Variants in ERBB4 observed in about 807,000 individuals in gnomAD.
The protein encoded by ERBB4 is receptor tyrosine-protein kinase erbB-4.
ERBB4 carries 42 observed loss-of-function variants against 158.0 expected under a neutral mutation model. The ratio of observed to expected loss-of-function variants is 0.27; its 90% CI spans 0.21 to 0.34. ERBB4 has a LOEUF of 0.34. ERBB4 is among the 10% of genes least tolerant of loss of function. The pLI, the probability that ERBB4 is intolerant of heterozygous loss-of-function variation, is 1.00. For synonymous variants in ERBB4, 583 were observed against 558.7 expected, an observed-to-expected ratio of 1.04 and a Z score of -0.61; for missense variants, 1,333 against 1,624.1, an observed-to-expected ratio of 0.82 and a Z score of 3.08.
chr2:212,056,403 A>C (rs895862981), intron 2 of ERBB4, among the ~76,000 whole-genome samples: 3 of 152,226 alleles, frequency 2.0e-5, no homozygotes, highest in African/African-American at 7.2e-5. Flanking sequence ...GCAGGCCAAC[A>C]TTCAAATTCA....
At chr2:211,904,013 A>G (rs573705386) in intron 3 of ERBB4, among the ~76,000 whole-genome samples, 6 of 152,272 alleles carry the variant, frequency 3.9e-5, no homozygotes, top group African/African-American at 1.2e-4. Flanking sequence ...ATATAGTGCT[A>G]TAAGAAGAAT....
chr2:211,955,269 G>T (rs888127406), intron 2 of ERBB4, among the ~76,000 whole-genome samples: 1 of 151,952 alleles, frequency 6.6e-6, no homozygotes, highest in African/African-American at 2.4e-5. Context: ...CTCATCACTG[G>T]CCGCTTAGCC....
At chr2:212,122,279 T>C (rs982706424) in intron 2 of ERBB4, among the ~76,000 whole-genome samples, 1 of 151,974 alleles carries the variant, frequency 6.6e-6, no homozygotes, top group Admixed American at 6.6e-5. Context: ...TTACTTGGGA[T>C]TGCAGATATG....
chr2:211,409,130 TTTAA>T (rs1271472820), intron 25 of ERBB4, among the ~76,000 whole-genome samples: 2 of 152,124 alleles, frequency 1.3e-5, no homozygotes, highest in African/African-American at 4.8e-5. Flanking sequence ...TTATATTTTA[TTTAA>T]TTGCTATTTA....
chr2:212,413,134 A>ATTTTTTTTTT (rs370397826), intron 1 of ERBB4, among the ~76,000 whole-genome samples: 744 of 101,194 alleles, frequency 7.4e-3, no homozygotes, highest in Middle Eastern at 0.014. Flanking sequence ...TGCGTGGCTA[A>ATTTTTTTTTT]TTTTTTTTTT....
intron 1 of ERBB4, among the ~76,000 whole-genome samples, chr2:212,264,078 G>C (rs752535101): frequency 6.6e-6 from 1 of 151,990 alleles, no homozygotes; most frequent in Non-Finnish European, 1.5e-5. Flanking sequence ...TTATTGCCTT[G>C]GTTGAATTTG....
intron 3 of ERBB4, among the ~76,000 whole-genome samples, chr2:211,794,318 T>C (rs2076337561): frequency 6.6e-6 from 1 of 151,912 alleles, no homozygotes. Context: ...CCTGTAACAC[T>C]GATTACCCGA....
At chr2:211,450,730 A>G (rs140549576) in intron 20 of ERBB4, among the ~76,000 whole-genome samples, 2 of 152,238 alleles carry the variant, frequency 1.3e-5, no homozygotes, top group East Asian at 1.9e-4. Flanking sequence ...GCCTTCTCCA[A>G]CTGTTTGAAT....
At chr2:212,387,087 G>T (rs2090700541) in intron 1 of ERBB4, among the ~76,000 whole-genome samples, 1 of 151,992 alleles carries the variant, frequency 6.6e-6, no homozygotes, top group Non-Finnish European at 1.5e-5. Flanking sequence ...TAAAAATCAA[G>T]CAAATAAAAT....
intron 20 of ERBB4, among the ~76,000 whole-genome samples, chr2:211,490,996 T>C (rs1037910049): frequency 2.6e-5 from 4 of 152,122 alleles, no homozygotes; most frequent in Non-Finnish European, 5.9e-5. Flanking sequence ...CTGAAATCTA[T>C]ATTCACCAGA....
At chr2:211,398,656 C>A (rs1358917796) in intron 25 of ERBB4, among the ~76,000 whole-genome samples, 2 of 152,114 alleles carry the variant, frequency 1.3e-5, no homozygotes, top group Non-Finnish European at 1.5e-5. Flanking sequence ...GATGGTGAAA[C>A]CCCATCTCTA....
At position 212,103,754 on chromosome 2, in the gene ERBB4, A is replaced by G. The variant is rs543547004; in HGVS notation, c.234+20998T>C. ...TTTTTACAATGCACCTCTTCTATTT[A>G]CTACATTAAAATATATTTCCACTTT... is the stretch of plus-strand genomic sequence containing the variant. On this transcript the variant is annotated intron_variant, in intron 2 of 27. Transcript: ENST00000342788. 2.7e-5 allele frequency among the ~76,000 whole-genome samples: 4 copies of G among 150,910 alleles called. No homozygotes were observed. In the East Asian group the frequency reaches 5.8e-4, roughly 22 times the overall value.
chr2:211,835,311 G>A (rs1194970666), intron 3 of ERBB4, among the ~76,000 whole-genome samples: 1 of 113,644 alleles, frequency 8.8e-6, no homozygotes, highest in East Asian at 2.8e-4. Context: ...GCTCCATTGT[G>A]ATTTCCTGGT....
chr2:211,986,178 T>A (rs2081932355), intron 2 of ERBB4, among the ~76,000 whole-genome samples: 1 of 152,138 alleles, frequency 6.6e-6, no homozygotes, highest in African/African-American at 2.4e-5. Context: ...TGGAACAGAT[T>A]CTTTCTCAGA....
chr2:212,271,255 G>C (rs982395124), intron 1 of ERBB4, among the ~76,000 whole-genome samples: 3 of 151,716 alleles, frequency 2.0e-5, no homozygotes, highest in African/African-American at 7.3e-5. Flanking sequence ...AAGAAAGGAA[G>C]AGAGGAAGGT....
intron 1 of ERBB4, among the ~76,000 whole-genome samples, chr2:212,468,630 C>T (rs61240706): frequency 0.037 from 5,683 of 152,246 alleles, 371 homozygotes; most frequent in African/African-American, 0.13. Context: ...TCTTTATCAG[C>T]AGTGTGAAAA....
chr2:211,648,542 C>T (rs529547633), intron 16 of ERBB4, among the ~76,000 whole-genome samples: 1 of 151,744 alleles, frequency 6.6e-6, no homozygotes, highest in East Asian at 1.9e-4. Flanking sequence ...TGTGAAATAA[C>T]ATATATGGAG....
chr2:212,233,452 C>T lies in ERBB4; in HGVS notation c.83-108549G>A, dbSNP rs182192955. Among the ~76,000 whole-genome samples the T allele has an allele frequency of 8.5e-5, 13 of 152,118 alleles. No individual in the cohort carries two copies. In the East Asian group the frequency reaches 1.9e-3, roughly 23 times the overall value. ...AAAATTTTAATTCCTGAAATGATTA[C>T]GTTAGCCTCCTTAATGGATATGTTT... is the stretch of plus-strand genomic sequence containing the variant. On this transcript the variant is annotated intron_variant, in intron 1 of 27. Transcript: ENST00000342788.
intron 1 of ERBB4, among the ~76,000 whole-genome samples, chr2:212,322,361 C>T (rs2087605559): frequency 6.7e-6 from 1 of 150,158 alleles, no homozygotes; most frequent in Admixed American, 6.6e-5. Context: ...GAAAGGTGCC[C>T]AATTTCTGTC....
Sources: allele counts gnomAD v4.1 joint callset (sites outside exome capture counted in the v4.1 genomes callset), GRCh38; gene constraint gnomAD v4.1.1; transcripts MANE v1.5; gene names NCBI Gene and HGNC (gene_info 2026-07-23, HGNC 2026-07-21).